AKAP13: variants seen among roughly 807,000 people sequenced by gnomAD.
The protein encoded by AKAP13 is A-kinase anchor protein 13.
A neutral mutation model predicts 264.5 loss-of-function variants in AKAP13; 80 were observed. The observed-to-expected ratio is 0.30, with a 90% CI of 0.25 to 0.36. The LOEUF (loss-of-function observed/expected upper bound fraction) is 0.36, where lower values mean the gene tolerates loss of function less well. AKAP13 is among the 10% of genes least tolerant of loss of function. AKAP13 has a pLI of 1.00. For missense variants in AKAP13, 3,712 were observed against 3,435.2 expected (o/e 1.08, Z -2.01); for synonymous variants, 1,380 against 1,250.2 (o/e 1.10, Z -2.19).
intron 3 of AKAP13, among the ~76,000 whole-genome samples, chr15:85,526,626 C>A (rs549482938): frequency 3.5e-4 from 54 of 152,228 alleles, no homozygotes; most frequent in African/African-American, 1.3e-3. Context: ...TCCAGTATTA[C>A]CAAATGGAAT....
At chr15:85,387,555 G>A (rs1375428463) in intron 1 of AKAP13, among the ~76,000 whole-genome samples, 3 of 151,952 alleles carry the variant, frequency 2.0e-5, no homozygotes, top group African/African-American at 7.3e-5. Flanking sequence ...AAACTCCCGG[G>A]ATGAAGTGAT....
Position 85,669,744 on chromosome 15 carries a change from A to C in AKAP13, c.5015A>C (p.Gln1672Pro), listed in dbSNP as rs1172659963. 1.9e-6 allele frequency: 3 copies of C among 1,612,934 alleles called. No homozygotes were observed. The highest frequency in any genetic ancestry group is 2.5e-6 in the Non-Finnish European group (3 of 1,178,970). The change falls in exon 14 of 37, where the codon CAG (glutamine) becomes CCG (proline). Residue 1672 changes from glutamine (Q) to proline (P), a missense_variant. Physicochemically the swap from Gln to Pro is moderately conservative, Grantham distance 76. Coordinates refer to ENST00000394518, the MANE Select transcript of AKAP13 (RefSeq NM_007200.5). Reference sequence around the variant, plus strand: ...CAGATATGTCACAGATCTAAGCAGCAGGGATTTAATTACTGTACATCAGCC... The same window carrying C: ...CAGATATGTCACAGATCTAAGCAGCCGGGATTTAATTACTGTACATCAGCC... Reference protein sequence around the residue: ...DQQICHRSKQQGFNYCTSAIS... With the variant: ...DQQICHRSKQPGFNYCTSAIS...
At chr15:85,433,117 G>GTTTTTTTTTTTTT (rs199655190) in intron 1 of AKAP13, among the ~76,000 whole-genome samples, 2 of 53,248 alleles carry the variant, frequency 3.8e-5, no homozygotes, top group Admixed American at 2.4e-4. Flanking sequence ...CTTCTGTACA[G>GTTTTTTTTTTTTT]TTTTTTTTTT....
chr15:85,670,662 C>T (rs2083876920), intron 14 of AKAP13: 1 of 151,786 alleles, frequency 6.6e-6, no homozygotes. Context: ...CTCTGTCTTC[C>T]ATAAACTTGT....
chr15:85,605,105 C>G (rs372972599), intron 8 of AKAP13, among the ~76,000 whole-genome samples: 1 of 124,556 alleles, frequency 8.0e-6, no homozygotes, highest in African/African-American at 3.1e-5. Context: ...TAAACTATTC[C>G]CGACAGTCAG....
In AKAP13 at chr15:85,579,326, A is replaced by G. The variant is rs370964831; in HGVS notation, c.1258A>G (p.Asn420Asp). The change falls in exon 7 of 37, where the codon AAC (asparagine) becomes GAC (aspartate). Residue 420 changes from asparagine (N) to aspartate (D), a missense_variant. Transcript: ENST00000394518. ...CACGGAAGGCCTTTCGTCCTGTGGA[A>G]ACAGAAATGAAGAAACTGGAACAAA... ...KGTEGLSSCG[N>D]RNEETGTKSS... 7 of 1,614,212 alleles carry G rather than the reference A, an allele frequency of 4.3e-6. No homozygotes were observed. In the East Asian group the frequency reaches 1.6e-4, roughly 36 times the overall value.
chr15:85,714,489 C>T lies in AKAP13; in HGVS notation c.5600-1299C>T, dbSNP rs537374558. Among the ~76,000 whole-genome samples, 14 of 152,340 alleles carry T rather than the reference C, an allele frequency of 9.2e-5. No individual in the cohort carries two copies. The East Asian group carries it at 1.2e-3, about 13-fold the overall frequency. On this transcript the variant is annotated intron_variant, in intron 19 of 36. Coordinates refer to ENST00000394518, the MANE Select transcript of AKAP13 (RefSeq NM_007200.5). ...AAAGGAAATCATCAAAATCTATGCT[C>T]GCTAGCAGGGAGCGCAGAAGAATCA... is the stretch of plus-strand genomic sequence containing the variant.
chr15:85,745,795 C>T lies in AKAP13; in HGVS notation c.*1118C>T, dbSNP rs1052756749. On this transcript the variant is annotated 3_prime_UTR_variant, in exon 37 of 37. Transcript: ENST00000394518. ...TGTAGCAGTTCCTGCCAGTGCAGAT[C>T]TGGAGAGGAGCTGGCCCGGAAGGCG... 1 of 152,310 alleles carries T rather than the reference C, an allele frequency of 6.6e-6. No homozygotes were observed. Among genetic ancestry groups the T allele is most frequent in the African/African-American group, 2.4e-5 (1 of 41,458 alleles). The allele number at this position is 152,310 out of a possible 1,614,324, so 9.4% of individuals were successfully genotyped here.
rs1000838926 is a variant in AKAP13 at position 85,524,223 on chromosome 15, G to A, written c.181+2648G>A. On this transcript the variant is annotated intron_variant, in intron 3 of 36. Transcript: ENST00000394518. ...GAAGGAGTCTTGCTCTGTTGCCCAG[G>A]CTGGAATGCAATGGCACGATCTTGG... 3.1e-5 allele frequency among the ~76,000 whole-genome samples: 4 copies of A among 131,104 alleles called. No individual in the cohort carries two copies. In the Admixed American group the frequency reaches 3.8e-4, roughly 12 times the overall value. The allele number at this position is 131,104 out of a possible 152,430, so 86.0% of individuals were successfully genotyped here. A position where few individuals can be genotyped will look rare whatever the true frequency, so the allele number is the denominator to read the frequency against.
intron 10 of AKAP13, among the ~76,000 whole-genome samples, chr15:85,651,931 C>A (rs752823163): frequency 6.6e-6 from 1 of 152,202 alleles, no homozygotes; most frequent in Admixed American, 6.5e-5. Flanking sequence ...TTTTCCCAAG[C>A]GGTTGTACCA....
intron 23 of AKAP13, among the ~76,000 whole-genome samples, chr15:85,721,548 A>T (rs1326598076): frequency 2.6e-5 from 4 of 152,252 alleles, no homozygotes; most frequent in African/African-American, 9.6e-5. Flanking sequence ...TGAAGTAAGT[A>T]GTACAAACAG....
intron 1 of AKAP13, among the ~76,000 whole-genome samples, chr15:85,443,305 A>T (rs900934238): frequency 2.0e-5 from 3 of 152,172 alleles, no homozygotes; most frequent in African/African-American, 7.2e-5. Flanking sequence ...TTATTAGCTG[A>T]ATAAAAAGAT....
At chr15:85,557,905 T>C (rs2078209737) in intron 5 of AKAP13, among the ~76,000 whole-genome samples, 1 of 152,202 alleles carries the variant, frequency 6.6e-6, no homozygotes, top group African/African-American at 2.4e-5. Context: ...GTTCAGTTGG[T>C]TTTCAGCTTT....
chr15:85,487,355 T>C (rs1596318311), intron 2 of AKAP13, among the ~76,000 whole-genome samples: 2 of 152,210 alleles, frequency 1.3e-5, no homozygotes, highest in Admixed American at 6.5e-5. Context: ...AGAGAAAGCA[T>C]CCAAGCTTTC....
chr15:85,718,024 A>C lies in AKAP13; in HGVS notation c.5866A>C (p.Asn1956His). The C allele has an allele frequency of 6.2e-7, 1 of 1,614,146 alleles. No homozygotes were observed. The highest frequency in any genetic ancestry group is 1.1e-5 in the South Asian group (1 of 91,084). The change falls in exon 22 of 37, where the codon AAT (asparagine) becomes CAT (histidine). Residue 1956 changes from asparagine (N) to histidine (H), a missense_variant. By Grantham distance (68) the Asn-to-His change is moderately conservative. Coordinates refer to ENST00000394518, the MANE Select transcript of AKAP13 (RefSeq NM_007200.5). This position sits in a 1 kb window ranked among gnomAD's most constrained non-coding sequence, Gnocchi z 4.9. ...ATATTGAGGAGTAGGTACAGACATG[A>C]ATGAAGGACAACTACTGGGAGACTT... The part of the protein sequence containing the change: ...LTDEGVGTDM[N>H]EGQLLGDFEI...
intron 3 of AKAP13, among the ~76,000 whole-genome samples, chr15:85,531,313 A>G (rs1465382813): frequency 1.3e-5 from 2 of 152,148 alleles, no homozygotes; most frequent in Admixed American, 1.3e-4. Context: ...TTTTGACTTC[A>G]TTGCAGTTAT....
intron 1 of AKAP13, among the ~76,000 whole-genome samples, chr15:85,388,946 T>G (rs1007626376): frequency 6.6e-6 from 1 of 152,222 alleles, no homozygotes; most frequent in African/African-American, 2.4e-5. Flanking sequence ...TTGCCAAACT[T>G]ATGTGTGTAA....
chr15:85,392,826 G>A (rs1254030623), intron 1 of AKAP13, among the ~76,000 whole-genome samples: 1 of 152,110 alleles, frequency 6.6e-6, no homozygotes, highest in Admixed American at 6.5e-5. Context: ...CACTGTGGTG[G>A]GCAGATCTCT....
At chr15:85,465,495 TC>T (rs1274602853) in intron 1 of AKAP13, among the ~76,000 whole-genome samples, 2 of 86,166 alleles carry the variant, frequency 2.3e-5, no homozygotes, top group Non-Finnish European at 2.2e-5. Flanking sequence ...ATGCTATCCC[TC>T]CCCCCTCCCC....
Sources: allele counts gnomAD v4.1 joint callset (sites outside exome capture counted in the v4.1 genomes callset), GRCh38; gene constraint gnomAD v4.1.1; non-coding constraint Gnocchi (gnomAD v3.1); transcripts MANE v1.5; gene names NCBI Gene and HGNC (gene_info 2026-07-23, HGNC 2026-07-21).